NRXN1: variants seen among roughly 807,000 people sequenced by gnomAD.
NRXN1 encodes neurexin 1.
NRXN1 carries 39 observed loss-of-function variants against 150.9 expected under a neutral mutation model. That is an observed-to-expected ratio of 0.26 (90% confidence interval 0.20 to 0.34). The LOEUF (loss-of-function observed/expected upper bound fraction) is 0.34, where lower values mean the gene tolerates loss of function less well. Among genes scored for constraint, NRXN1 ranks in the 10% least tolerant of loss-of-function variants. The pLI, the probability that NRXN1 is intolerant of heterozygous loss-of-function variation, is 1.00. For missense variants in NRXN1, 1,815 were observed against 1,949.9 expected (o/e 0.93, Z 1.30); for synonymous variants, 924 against 757.0 (o/e 1.22, Z -3.62).
At chr2:50,523,485 G>A (rs1044835612) in intron 12 of NRXN1, among the ~76,000 whole-genome samples, 1 of 152,162 alleles carries the variant, frequency 6.6e-6, no homozygotes, top group Non-Finnish European at 1.5e-5. Flanking sequence ...CCAGCCCCTA[G>A]AAATTTCCTC....
intron 18 of NRXN1, among the ~76,000 whole-genome samples, chr2:50,126,447 TG>T (rs1309202202): frequency 6.6e-6 from 1 of 151,996 alleles, no homozygotes; most frequent in Admixed American, 6.6e-5. Context: ...GAAAAATAAT[TG>T]GTACTGCTAA....
chr2:50,430,113 C>T (rs1309969307), intron 17 of NRXN1, among the ~76,000 whole-genome samples: 1 of 152,114 alleles, frequency 6.6e-6, no homozygotes, highest in Non-Finnish European at 1.5e-5. Context: ...TTGTTCTATT[C>T]AATGCCTTGG....
chr2:50,426,383 G>A (rs149686721), intron 17 of NRXN1, among the ~76,000 whole-genome samples: 14 of 152,256 alleles, frequency 9.2e-5, no homozygotes, highest in Middle Eastern at 3.4e-3. Context: ...CTCCTCAGAG[G>A]AGGACAATCT....
At chr2:49,975,606 AT>A (rs1301072101) in intron 21 of NRXN1, among the ~76,000 whole-genome samples, 1 of 152,240 alleles carries the variant, frequency 6.6e-6, no homozygotes, top group African/African-American at 2.4e-5. Flanking sequence ...GTTTTTTAAA[AT>A]AGATGTTGTC....
At chr2:50,132,457 C>T (rs1034492861) in intron 18 of NRXN1, among the ~76,000 whole-genome samples, 5 of 151,992 alleles carry the variant, frequency 3.3e-5, no homozygotes, top group African/African-American at 1.2e-4. Context: ...AAGGGCCCGC[C>T]ACCACACCTG....
At chr2:51,012,136 A>G (rs1424419661) in intron 2 of NRXN1, among the ~76,000 whole-genome samples, 1 of 152,022 alleles carries the variant, frequency 6.6e-6, no homozygotes, top group Non-Finnish European at 1.5e-5. Context: ...ACGTTGTTTC[A>G]CCAAAAAATA....
intron 5 of NRXN1, among the ~76,000 whole-genome samples, chr2:50,721,269 G>T (rs1444875093): frequency 6.6e-6 from 1 of 152,058 alleles, no homozygotes; most frequent in Non-Finnish European, 1.5e-5. Context: ...GCAGATTTTT[G>T]CCTTGGCAGG....
intron 17 of NRXN1, among the ~76,000 whole-genome samples, chr2:50,271,925 A>G (rs929678229): frequency 2.0e-4 from 30 of 152,318 alleles, no homozygotes; most frequent in African/African-American, 7.2e-4. Context: ...GGACCTAGGT[A>G]AAGGACGAAG....
intron 17 of NRXN1, among the ~76,000 whole-genome samples, chr2:50,252,998 G>C (rs1033659284): frequency 6.6e-6 from 1 of 152,022 alleles, no homozygotes; most frequent in Non-Finnish European, 1.5e-5. Flanking sequence ...AAATTGCTTT[G>C]GGCAGTATGG....
At chr2:50,655,166 T>C (rs1052456272) in intron 5 of NRXN1, among the ~76,000 whole-genome samples, 1 of 151,886 alleles carries the variant, frequency 6.6e-6, no homozygotes, top group Non-Finnish European at 1.5e-5. Context: ...GCCATACTTT[T>C]CTTGTGAAAA....
intron 17 of NRXN1, among the ~76,000 whole-genome samples, chr2:50,462,505 T>C (rs1011674440): frequency 1.3e-5 from 2 of 151,874 alleles, no homozygotes; most frequent in Non-Finnish European, 2.9e-5. Context: ...AGAAAAATTA[T>C]ACAGAGGATC....
chr2:50,514,197 C>T (rs1355757937), intron 12 of NRXN1, among the ~76,000 whole-genome samples: 2 of 152,262 alleles, frequency 1.3e-5, no homozygotes, highest in East Asian at 1.9e-4. Context: ...ACAAATTGCA[C>T]AGATGATGGA....
intron 5 of NRXN1, among the ~76,000 whole-genome samples, chr2:50,768,282 G>A (rs1349419726): frequency 6.6e-6 from 1 of 152,024 alleles, no homozygotes. Flanking sequence ...GGGATAAAGA[G>A]ACACACCTTG....
chr2:50,497,772 A>C (rs1038237916), intron 13 of NRXN1, 58 bp from the exon 14 acceptor site: 2 of 1,485,764 alleles, frequency 1.3e-6, no homozygotes, highest in Non-Finnish European at 1.8e-6. Context: ...TTTCAACTTT[A>C]GGCTTTCATA....
At chr2:50,459,373 T>C (rs2087923591) in intron 17 of NRXN1, among the ~76,000 whole-genome samples, 1 of 152,138 alleles carries the variant, frequency 6.6e-6, no homozygotes, top group African/African-American at 2.4e-5. Context: ...GGTAAACTTG[T>C]GTCACATGGG....
chr2:50,189,912 T>C (rs895214976), intron 18 of NRXN1, among the ~76,000 whole-genome samples: 1 of 152,218 alleles, frequency 6.6e-6, no homozygotes, highest in African/African-American at 2.4e-5. Context: ...GATACTCAGA[T>C]GAAGTATTCT....
intron 2 of NRXN1, among the ~76,000 whole-genome samples, chr2:50,931,363 T>G (rs1396393744): frequency 6.6e-6 from 1 of 152,136 alleles, no homozygotes; most frequent in Non-Finnish European, 1.5e-5. Flanking sequence ...AAAAATACTT[T>G]GTGATGAAAT....
chr2:50,820,263 T>A (rs1669532167), intron 5 of NRXN1, among the ~76,000 whole-genome samples: 1 of 152,118 alleles, frequency 6.6e-6, no homozygotes, highest in African/African-American at 2.4e-5. Context: ...TCTGATAGTG[T>A]CTATCTTTAT....
chr2:50,291,245 A>AT (rs1015021724), intron 17 of NRXN1, among the ~76,000 whole-genome samples: 2 of 148,978 alleles, frequency 1.3e-5, no homozygotes, highest in Non-Finnish European at 2.9e-5. Context: ...AACCTGGTTT[A>AT]TTTTTTTCCC....
Sources: allele counts gnomAD v4.1 joint callset (sites outside exome capture counted in the v4.1 genomes callset), GRCh38; gene constraint gnomAD v4.1.1; transcripts MANE v1.5; gene names NCBI Gene and HGNC (gene_info 2026-07-23, HGNC 2026-07-21).